Variants in PRP4K observed in about 807,000 individuals in gnomAD.
PRP4K encodes pre-mRNA processing factor kinase PRP4K.
chr6:4,058,851 ATTGTTAACTG>A, the PRP4K span: 1 of 1,466,190 alleles, frequency 6.8e-7, no homozygotes, highest in South Asian at 1.2e-5. Context: ...TAGTTATTTT[ATTGTTAACTG>A]AGTACTAAAT....
At chr6:4,041,353 T>G in the PRP4K span, among the ~76,000 whole-genome samples, 2 of 152,294 alleles carry the variant, frequency 1.3e-5, no homozygotes, top group African/African-American at 4.8e-5. Context: ...TGTAGAAACA[T>G]TTCAAGTGTC....
the PRP4K span, among the ~76,000 whole-genome samples, chr6:4,039,586 T>A: frequency 6.6e-6 from 1 of 152,130 alleles, no homozygotes; most frequent in Non-Finnish European, 1.5e-5. Flanking sequence ...ACCAATTCTG[T>A]CCTCAGCTCT....
chr6:4,057,018 C>A, the PRP4K span: 3 of 1,534,830 alleles, frequency 2.0e-6, no homozygotes, highest in Non-Finnish European at 2.6e-6. Flanking sequence ...TATATTAAAA[C>A]TTTGATTTTG....
At chr6:4,059,271 C>G in the PRP4K span, among the ~76,000 whole-genome samples, 2 of 152,212 alleles carry the variant, frequency 1.3e-5, no homozygotes, top group Non-Finnish European at 2.9e-5. Context: ...AGAACCCCCA[C>G]CTTTCCACAT....
the PRP4K span, chr6:4,042,600 T>G: frequency 6.5e-7 from 1 of 1,546,822 alleles, no homozygotes; most frequent in South Asian, 1.2e-5. Flanking sequence ...TAACCATTAT[T>G]GTAGTAAAAG....
the PRP4K span, chr6:4,056,951 GC>G: frequency 7.5e-6 from 10 of 1,333,200 alleles, no homozygotes; most frequent in Non-Finnish European, 7.2e-6. Flanking sequence ...AGCTAAGGTA[GC>G]CAGCCCCTCA....
At chr6:4,038,089 A>G in the PRP4K span, among the ~76,000 whole-genome samples, 1 of 152,150 alleles carries the variant, frequency 6.6e-6, no homozygotes, top group Non-Finnish European at 1.5e-5. Context: ...TACATGAAAT[A>G]TTTTAATATA....
the PRP4K span, among the ~76,000 whole-genome samples, chr6:4,035,559 A>T: frequency 1.4e-4 from 22 of 152,276 alleles, no homozygotes; most frequent in African/African-American, 5.3e-4. Context: ...AGAAGTAAGC[A>T]CTACAGATCT....
At chr6:4,048,846 CT>C in the PRP4K span, among the ~76,000 whole-genome samples, 1 of 149,662 alleles carries the variant, frequency 6.7e-6, no homozygotes, top group African/African-American at 2.5e-5. Flanking sequence ...ATACTTTGGT[CT>C]CATGTTTCAG....
At chr6:4,044,217 A>G in the PRP4K span, 1,754 of 582,654 alleles carry the variant, frequency 3.0e-3, 5 homozygotes, top group Middle Eastern at 8.8e-3. Context: ...ATTAGTTCAC[A>G]TATCCTGAAT....
the PRP4K span, among the ~76,000 whole-genome samples, chr6:4,036,985 CAAAAAAA>C: frequency 3.6e-4 from 41 of 113,886 alleles, no homozygotes; most frequent in Non-Finnish European, 3.8e-4. Context: ...GACCCTGTCT[CAAAAAAA>C]AAAAAAAAAA....
At chr6:4,033,798 A>G in the PRP4K span, among the ~76,000 whole-genome samples, 3 of 151,996 alleles carry the variant, frequency 2.0e-5, no homozygotes, top group Non-Finnish European at 4.4e-5. Flanking sequence ...GAGCGTCTTG[A>G]TTCTTTACTT....
At chr6:4,027,658 A>T in the PRP4K span, among the ~76,000 whole-genome samples, 1 of 146,272 alleles carries the variant, frequency 6.8e-6, no homozygotes, top group African/African-American at 2.5e-5. Flanking sequence ...TTTAACATCT[A>T]TTCACTGTGT....
At chr6:4,063,788 AT>A in the PRP4K span, 2 of 152,302 alleles carry the variant, frequency 1.3e-5, no homozygotes, top group East Asian at 3.9e-4. Context: ...GATTGAATTT[AT>A]TTAGTGAATG....
the PRP4K span, among the ~76,000 whole-genome samples, chr6:4,054,563 A>G: frequency 2.0e-5 from 3 of 151,994 alleles, no homozygotes; most frequent in East Asian, 1.9e-4. Flanking sequence ...CTGGAGTGCA[A>G]TGGCGTGATC....
chr6:4,060,860 A>G, the PRP4K span: 2 of 492,300 alleles, frequency 4.1e-6, no homozygotes, highest in African/African-American at 1.9e-5. This position sits in a 1 kb window ranked among gnomAD's most constrained non-coding sequence, Gnocchi z 4.7. Flanking sequence ...TACAGTGCTA[A>G]TGTATATGGT....
chr6:4,063,958 G>T, the PRP4K span: 1 of 152,154 alleles, frequency 6.6e-6, no homozygotes, highest in African/African-American at 2.4e-5. Flanking sequence ...GGCTCTCAAA[G>T]ATGTTACAGT....
the PRP4K span, chr6:4,052,238 G>A: frequency 1.1e-6 from 1 of 911,672 alleles, no homozygotes; most frequent in Non-Finnish European, 1.6e-6. Context: ...TTAACTTGTG[G>A]TTAACAGCTA....
the PRP4K span, chr6:4,052,696 C>A: frequency 8.5e-5 from 125 of 1,477,734 alleles, no homozygotes; most frequent in African/African-American, 1.6e-3. Flanking sequence ...ATTTTGTTTT[C>A]TTTTTTTAAT....
Sources: allele counts gnomAD v4.1 joint callset (sites outside exome capture counted in the v4.1 genomes callset), GRCh38; gene constraint gnomAD v4.1.1; non-coding constraint Gnocchi (gnomAD v3.1); transcripts MANE v1.5; gene names NCBI Gene and HGNC (gene_info 2026-07-23, HGNC 2026-07-21).